GLCCI1: variants seen among roughly 807,000 people sequenced by gnomAD.
GLCCI1 encodes glucocorticoid induced 1, also known as glucocorticoid-induced transcript 1 protein.
In GLCCI1, 24 loss-of-function variants were observed where a neutral mutation model predicts 52.2. The ratio of observed to expected loss-of-function variants is 0.46; its 90% CI spans 0.33 to 0.65. The LOEUF is 0.65. Among genes scored for constraint, GLCCI1 ranks in the 30% least tolerant of loss-of-function variants. GLCCI1 has a pLI of 0.02. For missense variants in GLCCI1, 704 were observed against 701.5 expected, an observed-to-expected ratio of 1.00 and a Z score of -0.04; for synonymous variants, 310 against 276.5, an observed-to-expected ratio of 1.12 and a Z score of -1.20.
At chr7:7,973,468 A>C (rs1394330474) in intron 1 of GLCCI1, among the ~76,000 whole-genome samples, 3 of 148,700 alleles carry the variant, frequency 2.0e-5, no homozygotes, top group African/African-American at 4.9e-5. Context: ...ATTAGGATTA[A>C]TTATAAGTTC....
intron 6 of GLCCI1, among the ~76,000 whole-genome samples, chr7:8,074,571 G>T (rs1188751167): frequency 1.3e-5 from 2 of 152,074 alleles, no homozygotes; most frequent in African/African-American, 4.8e-5. Context: ...TGCAGTCTCA[G>T]CTAATTAGGA....
chr7:7,988,923 A>G lies in GLCCI1; in HGVS notation c.458-14985A>G, dbSNP rs77914751. Among the ~76,000 whole-genome samples, 1,082 of 152,222 alleles carry G rather than the reference A, an allele frequency of 7.1e-3. 14 individuals are homozygous for G. Among genetic ancestry groups the G allele is most frequent in the African/African-American group, 0.025 (1,030 of 41,524 alleles). On this transcript the variant is annotated intron_variant, in intron 1 of 7. Coordinates refer to ENST00000223145, the MANE Select transcript of GLCCI1 (RefSeq NM_138426.4). The stretch of plus-strand genomic sequence containing the variant: ...GTTAGATAAGGCTAAATGATAAAGA[A>G]CACTTTCATCCTTGTTCAACTTAAA...
intron 3 of GLCCI1, among the ~76,000 whole-genome samples, chr7:8,047,543 C>T (rs1782159535): frequency 1.3e-5 from 2 of 152,174 alleles, no homozygotes; most frequent in Non-Finnish European, 2.9e-5. Context: ...TTTTAGCATT[C>T]ATTATCAGCC....
At chr7:8,015,469 GT>G (rs1781359256) in intron 2 of GLCCI1, among the ~76,000 whole-genome samples, 1 of 152,182 alleles carries the variant, frequency 6.6e-6, no homozygotes, top group Admixed American at 6.5e-5. Flanking sequence ...AGATTTGACT[GT>G]TTTTGCCTCT....
intron 3 of GLCCI1, among the ~76,000 whole-genome samples, chr7:8,052,700 G>A (rs1457798443): frequency 6.6e-6 from 1 of 152,236 alleles, no homozygotes; most frequent in Non-Finnish European, 1.5e-5. Flanking sequence ...TGATGGTTGT[G>A]CTTGTATCGC....
chr7:8,063,783 T>A (rs963079340), intron 5 of GLCCI1, among the ~76,000 whole-genome samples: 1 of 151,672 alleles, frequency 6.6e-6, no homozygotes, highest in Non-Finnish European at 1.5e-5. Context: ...CACAGCCAGC[T>A]GATTTTTTTT....
rs540958247 is a variant in GLCCI1, at chr7:8,000,738, T to C, written c.458-3170T>C. On this transcript the variant is annotated intron_variant, in intron 1 of 7. Transcript: ENST00000223145. ...ATGGGACAAATTATAATATGATGCA[T>C]ATAAGCTGTAATGTTGATGTCAAGA... Among the ~76,000 whole-genome samples, 542 of 152,146 alleles carry C rather than the reference T, an allele frequency of 3.6e-3. 4 individuals carry two copies. Among genetic ancestry groups the C allele is most frequent in the Middle Eastern group, 0.014 (4 of 294 alleles).
intron 1 of GLCCI1, among the ~76,000 whole-genome samples, chr7:7,970,850 G>C (rs904249229): frequency 6.6e-6 from 1 of 152,032 alleles, no homozygotes; most frequent in African/African-American, 2.4e-5. Context: ...ATTGTGGAGG[G>C]AACAGATCAT....
rs1780284260 is a variant in GLCCI1 at position 7,969,319 on chromosome 7, G to C, written c.-32G>C. ...GCCTCCCGCCCCGCGCCTCCGTGTC[G>C]GCCGGCGGCGTCCAGGGCCCGCAGA... On this transcript the variant is annotated 5_prime_UTR_variant, in exon 1 of 8. Transcript: ENST00000223145. This position sits in a 1 kb window ranked among gnomAD's most constrained non-coding sequence, Gnocchi z 4.9. 1 of 1,404,768 alleles carries C rather than the reference G, an allele frequency of 7.1e-7. No homozygotes were observed. Among genetic ancestry groups the C allele is most frequent in the Non-Finnish European group, 9.3e-7 (1 of 1,073,358 alleles). The allele number at this position is 1,404,768 out of a possible 1,614,324, so 87.0% of individuals were successfully genotyped here. A position where few individuals can be genotyped will look rare whatever the true frequency, so the allele number is the denominator to read the frequency against.
chr7:8,062,306 T>G (rs1584011504), intron 5 of GLCCI1, among the ~76,000 whole-genome samples: 1 of 152,096 alleles, frequency 6.6e-6, no homozygotes. Context: ...AATTGTCTGG[T>G]TAACTATGTC....
At chr7:7,983,944 A>G (rs1780672800) in intron 1 of GLCCI1, among the ~76,000 whole-genome samples, 1 of 152,236 alleles carries the variant, frequency 6.6e-6, no homozygotes, top group Admixed American at 6.5e-5. Context: ...TGATGTCAGC[A>G]TAGTCCACAT....
chr7:7,976,386 C>T lies in GLCCI1; in HGVS notation c.457+6579C>T, dbSNP rs189810944. Among the ~76,000 whole-genome samples, 9 of 142,276 alleles carry T rather than the reference C, an allele frequency of 6.3e-5. No homozygotes were observed. The East Asian group carries it at 8.8e-4, about 14-fold the overall frequency. The allele number at this position is 142,276 out of a possible 152,430, so 93.3% of individuals were successfully genotyped here. On this transcript the variant is annotated intron_variant, in intron 1 of 7. Coordinates refer to ENST00000223145, the MANE Select transcript of GLCCI1 (RefSeq NM_138426.4). The stretch of plus-strand genomic sequence containing the variant: ...CCCAGTTACTCGGGAGGCTGAGACA[C>T]GAAAGTTGCTTGAACCTGGGAGGTG...
chr7:8,083,506 C>A (rs989556386), intron 6 of GLCCI1, among the ~76,000 whole-genome samples: 9 of 152,158 alleles, frequency 5.9e-5, no homozygotes, highest in African/African-American at 2.2e-4. Context: ...ATTCCTCCTC[C>A]TTCCTCCCAT....
At position 7,969,425 on chromosome 7, in the gene GLCCI1, C is replaced by CTG; in HGVS notation, c.75_76insTG (p.Ser26Ter). ...ATCCCCCGTCGCAGAGGATGAGGCGCAGCGCCGCGGGGTCCCCGCCCGCCG... is the reference window on the plus strand; with the variant it reads ...ATCCCCCGTCGCAGAGGATGAGGCGCTGAGCGCCGCGGGGTCCCCGCCCGCCG... On this transcript the variant is annotated frameshift_variant, in exon 1 of 8. Transcript: ENST00000223145. LOFTEE classifies it high-confidence loss of function. The surrounding 1 kb of genome is among the most constrained non-coding windows in gnomAD (Gnocchi z 4.9). 1 of 1,326,212 alleles carries CTG rather than the reference C, an allele frequency of 7.5e-7. No homozygotes were observed. Among genetic ancestry groups the CTG allele is most frequent in the Non-Finnish European group, 9.7e-7 (1 of 1,030,240 alleles). The allele number at this position is 1,326,212 out of a possible 1,614,324, so 82.2% of individuals were successfully genotyped here.
intron 3 of GLCCI1, among the ~76,000 whole-genome samples, chr7:8,051,383 T>A (rs997676758): frequency 6.6e-6 from 1 of 152,254 alleles, no homozygotes; most frequent in African/African-American, 2.4e-5. Flanking sequence ...CTGTTAGTAC[T>A]ATTTCCTACT....
intron 4 of GLCCI1, chr7:8,055,771 C>T (rs1297433168): frequency 1.8e-5 from 6 of 337,264 alleles, no homozygotes; most frequent in South Asian, 8.6e-5. Flanking sequence ...GGGCGGATCA[C>T]GAGGTCAGGA....
intron 3 of GLCCI1, among the ~76,000 whole-genome samples, chr7:8,054,045 TTAAA>T (rs1352437544): frequency 6.6e-6 from 1 of 152,192 alleles, no homozygotes; most frequent in Non-Finnish European, 1.5e-5. Flanking sequence ...GATTTTATGT[TTAAA>T]TATTTTTTTA....
chr7:7,971,862 G>T (rs988573725), intron 1 of GLCCI1, among the ~76,000 whole-genome samples: 3 of 152,224 alleles, frequency 2.0e-5, no homozygotes, highest in Admixed American at 6.5e-5. Flanking sequence ...CAGAGAGCTT[G>T]TGTTGGGAAT....
At chr7:8,012,432 CTTTTTTTTTTTTTT>C (rs71014746) in intron 2 of GLCCI1, among the ~76,000 whole-genome samples, 7 of 70,396 alleles carry the variant, frequency 9.9e-5, no homozygotes, top group Non-Finnish European at 1.8e-4. Flanking sequence ...CCTTTTTATT[CTTTTTTTTTTTTTT>C]TTTTTTTTTT....
Sources: gnomAD v4.1 joint callset for allele counts (sites outside exome capture counted in the v4.1 genomes callset) on GRCh38, gnomAD v4.1.1 for gene constraint, Gnocchi (gnomAD v3.1) non-coding constraint, MANE v1.5 for transcripts, NCBI Gene and HGNC (gene_info 2026-07-23, HGNC 2026-07-21) for gene names.